Variants in BMP2K observed in about 807,000 individuals in gnomAD.
BMP2K encodes BMP-2-inducible protein kinase.
A neutral mutation model predicts 116.0 loss-of-function variants in BMP2K; 74 were observed. The ratio of observed to expected loss-of-function variants is 0.64; its 90% CI spans 0.53 to 0.77. BMP2K has a LOEUF of 0.77. BMP2K is among the 30% of genes least tolerant of loss of function. The pLI, the probability that BMP2K is intolerant of heterozygous loss-of-function variation, is 0.00. For synonymous variants in BMP2K, 486 were observed against 502.5 expected (o/e 0.97, Z 0.44); for missense variants, 1,365 against 1,403.6 (o/e 0.97, Z 0.44).
intron 1 of BMP2K, among the ~76,000 whole-genome samples, chr4:78,801,983 C>G (rs1043002070): frequency 6.6e-6 from 1 of 152,226 alleles, no homozygotes. Flanking sequence ...GATCTTCCAT[C>G]TAGGCTCAAT....
At chr4:78,856,334 G>A (rs931505770) in intron 7 of BMP2K, among the ~76,000 whole-genome samples, 2 of 152,036 alleles carry the variant, frequency 1.3e-5, no homozygotes, top group African/African-American at 4.8e-5. Flanking sequence ...ACAGGCAAGA[G>A]TCACCATGCC....
At chr4:78,805,640 ATTTAT>A (rs1465619754) in intron 1 of BMP2K, among the ~76,000 whole-genome samples, 6 of 151,908 alleles carry the variant, frequency 3.9e-5, no homozygotes, top group African/African-American at 1.5e-4. Context: ...TGTTTTCTTA[ATTTAT>A]TTCAGATTGT....
At chr4:78,883,389 T>C (rs1458621913) in intron 14 of BMP2K, among the ~76,000 whole-genome samples, 2 of 152,216 alleles carry the variant, frequency 1.3e-5, no homozygotes, top group Non-Finnish European at 2.9e-5. Flanking sequence ...ACTCACATTT[T>C]CATGTGAACT....
At chr4:78,797,632 AGT>A (rs1244942982) in intron 1 of BMP2K, among the ~76,000 whole-genome samples, 2 of 152,222 alleles carry the variant, frequency 1.3e-5, no homozygotes, top group African/African-American at 4.8e-5. Flanking sequence ...CCAGAAATAT[AGT>A]GTGTCTTATC....
At chr4:78,886,845 G>A (rs982954816) in intron 14 of BMP2K, among the ~76,000 whole-genome samples, 3 of 152,148 alleles carry the variant, frequency 2.0e-5, no homozygotes, top group African/African-American at 7.2e-5. Context: ...TGTCAAATAT[G>A]TCTCTGTTTA....
chr4:78,847,347 C>G lies in BMP2K; in HGVS notation c.750+78C>G, dbSNP rs1289618387. On this transcript the variant is annotated intron_variant, in intron 6 of 15. Coordinates refer to ENST00000502613, the MANE Select transcript of BMP2K (RefSeq NM_198892.2). The stretch of plus-strand genomic sequence containing the variant: ...TCAGTTTATTATTTTTTACTCTGCT[C>G]CCCAAAAGGCATTTCCTAATAAGTA... 3.0e-6 allele frequency: 3 copies of G among 1,011,826 alleles called. No homozygotes were observed. In the African/African-American group the frequency reaches 5.0e-5, roughly 17 times the overall value. 62.7% of individuals were successfully genotyped at this position (1,011,826 alleles called of 1,614,324 possible).
At chr4:78,796,967 C>A (rs1189897596) in intron 1 of BMP2K, among the ~76,000 whole-genome samples, 1 of 152,144 alleles carries the variant, frequency 6.6e-6, no homozygotes, top group Non-Finnish European at 1.5e-5. Flanking sequence ...GTAGTGGCTT[C>A]ATTTTAGCCT....
intron 1 of BMP2K, among the ~76,000 whole-genome samples, chr4:78,811,068 G>A (rs1017412640): frequency 1.3e-5 from 2 of 152,100 alleles, no homozygotes; most frequent in Admixed American, 6.6e-5. Flanking sequence ...TACTTTTTCA[G>A]TGATACCTTT....
intron 9 of BMP2K, among the ~76,000 whole-genome samples, chr4:78,862,042 G>T (rs1490339001): frequency 6.6e-6 from 1 of 151,524 alleles, no homozygotes; most frequent in East Asian, 1.9e-4. Context: ...ACACTTTTTT[G>T]AATTTAAAAG....
chr4:78,801,344 C>CTGTGTGTGTGTGTG (rs112302359), intron 1 of BMP2K, among the ~76,000 whole-genome samples: 1 of 143,186 alleles, frequency 7.0e-6, no homozygotes, highest in Non-Finnish European at 1.5e-5. Context: ...GTTGAAGTAG[C>CTGTGTGTGTGTGTG]TGTGTGTGTG....
At chr4:78,826,616 T>C (rs1729886162) in intron 2 of BMP2K, among the ~76,000 whole-genome samples, 1 of 152,160 alleles carries the variant, frequency 6.6e-6, no homozygotes, top group Non-Finnish European at 1.5e-5. Context: ...AGTTGTCCCT[T>C]AGTCTTCTAT....
intron 1 of BMP2K, among the ~76,000 whole-genome samples, chr4:78,821,868 G>C (rs985378947): frequency 2.6e-5 from 4 of 152,112 alleles, no homozygotes; most frequent in Non-Finnish European, 4.4e-5. Context: ...AAGTGAATTT[G>C]AGGGGAGTTA....
chr4:78,876,616 C>T (rs576214019), intron 13 of BMP2K, among the ~76,000 whole-genome samples: 146 of 152,216 alleles, frequency 9.6e-4, no homozygotes, highest in Non-Finnish European at 1.6e-3. Context: ...GAGCTCTCAA[C>T]GGTTAGGTAA....
chr4:78,862,492 A>G (rs1276403248), intron 9 of BMP2K, among the ~76,000 whole-genome samples: 3 of 152,104 alleles, frequency 2.0e-5, no homozygotes, highest in Non-Finnish European at 2.9e-5. Flanking sequence ...AAGAATGACT[A>G]TTGTGAAACT....
chr4:78,825,963 C>T, intron 1 of BMP2K, 74 bp from the exon 2 acceptor site: 1 of 1,116,784 alleles, frequency 9.0e-7, no homozygotes, highest in Non-Finnish European at 1.4e-6. Context: ...CTCCAATATG[C>T]TCTATGATTA....
At chr4:78,845,750 G>A (rs961919155) in intron 5 of BMP2K, among the ~76,000 whole-genome samples, 6 of 151,604 alleles carry the variant, frequency 4.0e-5, no homozygotes, top group African/African-American at 1.5e-4. Flanking sequence ...AACCTTTTCT[G>A]AGTTGCCTTT....
chr4:78,908,551 T>C (rs1201089063), intron 15 of BMP2K, among the ~76,000 whole-genome samples: 1 of 152,220 alleles, frequency 6.6e-6, no homozygotes, highest in Non-Finnish European at 1.5e-5. Flanking sequence ...TTTAGTCTTG[T>C]GGCTCTCTCT....
intron 6 of BMP2K, among the ~76,000 whole-genome samples, chr4:78,850,305 G>C (rs1731184507): frequency 6.6e-6 from 1 of 151,838 alleles, no homozygotes; most frequent in Non-Finnish European, 1.5e-5. Flanking sequence ...AAGCCATGCA[G>C]GTTAAGCAGA....
At position 78,911,468 on chromosome 4, in the gene BMP2K, G is replaced by A. The variant is rs761579635; in HGVS notation, c.2921G>A (p.Ser974Asn). Reference protein sequence around the residue: ...GSQQQKVKQRSLQKLSSRQRR... With the variant: ...GSQQQKVKQRNLQKLSSRQRR... ...CAGCAGCAAAAAGTCAAACAGCGCAGCTTACAGAAACTGTCCTCTCGCCAA... is the reference window on the plus strand; with the variant it reads ...CAGCAGCAAAAAGTCAAACAGCGCAACTTACAGAAACTGTCCTCTCGCCAA... The change falls in exon 16 of 16, where the codon AGC (serine) becomes AAC (asparagine). Residue 974 changes from serine (S) to asparagine (N), a missense_variant. Ser to Asn is a conservative substitution (Grantham distance 46). Coordinates refer to ENST00000502613, the MANE Select transcript of BMP2K (RefSeq NM_198892.2). 1.2e-6 allele frequency: 2 copies of A among 1,614,030 alleles called. No homozygotes were observed. The highest frequency in any genetic ancestry group is 1.7e-6 in the Non-Finnish European group (2 of 1,179,906).
Sources: gnomAD v4.1 joint callset for allele counts (sites outside exome capture counted in the v4.1 genomes callset) on GRCh38, gnomAD v4.1.1 for gene constraint, MANE v1.5 for transcripts, NCBI Gene and HGNC (gene_info 2026-07-23, HGNC 2026-07-21) for gene names.